Variants in NID2 observed in about 807,000 individuals in gnomAD.
NID2 encodes nidogen-2.
A neutral mutation model predicts 145.4 loss-of-function variants in NID2; 83 were observed. That is an observed-to-expected ratio of 0.57 (90% CI 0.48 to 0.69). The LOEUF is 0.69. NID2 is among the 30% of genes least tolerant of loss of function. The pLI is 0.00. For synonymous variants in NID2, 739 were observed against 701.3 expected (o/e 1.05, Z -0.85); for missense variants, 1,807 against 1,765.7 (o/e 1.02, Z -0.42).
Position 52,015,077 on chromosome 14 carries a change from G to T in NID2, c.3227C>A (p.Ser1076Tyr). 6.2e-7 allele frequency: 1 copy of T among 1,613,904 alleles called. No individual in the cohort carries two copies. The highest frequency in any genetic ancestry group is 8.5e-7 in the Non-Finnish European group (1 of 1,179,918). The change falls in exon 15 of 22, where the codon TCC becomes TAC. Residue 1076 changes from serine (S) to tyrosine (Y), a missense_variant. Transcript: ENST00000216286. ...KDGREVQGTR[S>Y]QPGTTPACIP... is the part of the protein sequence containing the mutation. The stretch of plus-strand genomic sequence containing the variant: ...ACACGCAGGGGTGGTGCCTGGCTGG[G>T]AGCGGGTGCCCTGCACCTCTCTGCC...
intron 5 of NID2, among the ~76,000 whole-genome samples, chr14:52,045,886 G>T (rs1235479201): frequency 3.7e-5 from 2 of 53,748 alleles, no homozygotes; most frequent in Admixed American, 1.8e-4. Flanking sequence ...GGGCTTTGTG[G>T]AAACTATGCA....
chr14:52,065,155 C>T (rs1001520535), intron 2 of NID2, among the ~76,000 whole-genome samples: 3 of 152,102 alleles, frequency 2.0e-5, no homozygotes, highest in Admixed American at 6.5e-5. Flanking sequence ...TCTGGTCACA[C>T]CTGACAGGAA....
At chr14:52,014,564 C>A (rs1891149598) in intron 15 of NID2, 108 bp from the exon 16 acceptor site, 1 of 1,158,984 alleles carries the variant, frequency 8.6e-7, no homozygotes, top group East Asian at 2.6e-5. Context: ...ATCAAAAGTT[C>A]TTCGCCCTAC....
At chr14:52,066,022 T>C (rs1893195235) in intron 2 of NID2, among the ~76,000 whole-genome samples, 4 of 151,868 alleles carry the variant, frequency 2.6e-5, no homozygotes, top group African/African-American at 9.7e-5. Context: ...ATATACCCAG[T>C]AATGGGATGG....
At chr14:52,022,123 C>T (rs1156534120) in intron 12 of NID2, among the ~76,000 whole-genome samples, 2 of 152,154 alleles carry the variant, frequency 1.3e-5, no homozygotes, top group Non-Finnish European at 2.9e-5. Flanking sequence ...TACTTTTGAA[C>T]TCAAGAGAGA....
chr14:52,062,691 G>C (rs1595057859), intron 2 of NID2, among the ~76,000 whole-genome samples: 1 of 152,272 alleles, frequency 6.6e-6, no homozygotes, highest in East Asian at 1.9e-4. Flanking sequence ...CATAAGATAA[G>C]GAGGTTGTAG....
Position 52,027,230 on chromosome 14 carries a change from C to T in NID2, c.2645G>A (p.Gly882Asp), listed in dbSNP as rs375513152. The change falls in exon 12 of 22, where the codon GGT becomes GAT. Residue 882 changes from glycine to aspartate, a missense_variant. Physicochemically the swap from Gly to Asp is moderately conservative, Grantham distance 94. Coordinates refer to ENST00000216286, the MANE Select transcript of NID2 (RefSeq NM_007361.4). ...GSTFSCACLP[G>D]YAGDGHQCTD... ...GCACTGGTGCCCATCGCCGGCATAA[C>T]CAGGCAGGCAGGCACAGCTGAACGT... 9 of 1,570,474 alleles carry T rather than the reference C, an allele frequency of 5.7e-6. No individual in the cohort carries two copies. The African/African-American group carries it at 8.3e-5, about 14-fold the overall frequency.
chr14:52,019,942 G>A, intron 13 of NID2, 117 bp downstream of exon 13: 1 of 1,402,252 alleles, frequency 7.1e-7, no homozygotes, highest in Non-Finnish European at 9.7e-7. Context: ...AAAATCCACA[G>A]CTTGGAAAAT....
chr14:52,067,601 C>T (rs888612095), intron 2 of NID2, among the ~76,000 whole-genome samples: 4 of 152,160 alleles, frequency 2.6e-5, no homozygotes, highest in Non-Finnish European at 5.9e-5. Context: ...AAAGGGGCTC[C>T]CACATCTGCA....
intron 12 of NID2, 131 bp downstream of exon 12, chr14:52,027,070 A>G: frequency 1.1e-6 from 1 of 927,300 alleles, no homozygotes; most frequent in Non-Finnish European, 1.5e-6. Flanking sequence ...CTTTTTTCTC[A>G]CTATTTTGGC....
chr14:52,027,591 A>G (rs1891634643), intron 11 of NID2, among the ~76,000 whole-genome samples: 1 of 150,424 alleles, frequency 6.6e-6, no homozygotes, highest in Admixed American at 6.6e-5. Flanking sequence ...CCATCACCTA[A>G]GCAGTCCTCA....
At chr14:52,006,103 A>C in intron 20 of NID2, 1 of 484,014 alleles carries the variant, frequency 2.1e-6, no homozygotes, top group African/African-American at 1.9e-5. Context: ...CTTAGACTTT[A>C]ATGTTCCACA....
At position 52,027,187 on chromosome 14, in the gene NID2, CT is replaced by C. The variant is rs1891615841; in HGVS notation, c.2674+13del. On this transcript the variant is annotated intron_variant, in intron 12 of 21. Coordinates refer to ENST00000216286, the MANE Select transcript of NID2 (RefSeq NM_007361.4). ...CAACTTTCCAGTCATTGAGGCTGAC[CT>C]GCAGTTACTCACCAGTGCACTGGTG... 2.7e-6 allele frequency: 4 copies of C among 1,476,016 alleles called. No individual in the cohort carries two copies. In the South Asian group the frequency reaches 5.6e-5, roughly 21 times the overall value. 91.4% of individuals were successfully genotyped at this position (1,476,016 alleles called of 1,614,324 possible). A position where few individuals can be genotyped will look rare whatever the true frequency, so the allele number is the denominator to read the frequency against.
chr14:52,013,157 T>C (rs916225437), intron 16 of NID2, among the ~76,000 whole-genome samples: 2 of 152,188 alleles, frequency 1.3e-5, no homozygotes, highest in Non-Finnish European at 2.9e-5. Flanking sequence ...AAAGTCCCAG[T>C]TTAAGTAAAT....
chr14:52,008,528 C>T (rs1289072971), intron 18 of NID2: 1 of 152,264 alleles, frequency 6.6e-6, no homozygotes, highest in East Asian at 1.9e-4. Flanking sequence ...TCTTACACAG[C>T]AGTAGGTAAC....
intron 12 of NID2, 72 bp downstream of exon 12, chr14:52,027,129 G>C (rs972502839): frequency 2.2e-6 from 3 of 1,351,552 alleles, no homozygotes; most frequent in South Asian, 3.8e-5. Context: ...TTTTCTGGGA[G>C]AGCTCCATCT....
chr14:52,006,344 A>G (rs1594993431), intron 20 of NID2, 193 bp downstream of exon 20: 2 of 588,140 alleles, frequency 3.4e-6, no homozygotes, highest in East Asian at 5.9e-5. Flanking sequence ...GGGTGAAGTA[A>G]AAGGATGATT....
chr14:52,053,255 G>C (rs1892734749), intron 5 of NID2, among the ~76,000 whole-genome samples: 1 of 152,170 alleles, frequency 6.6e-6, no homozygotes, highest in Non-Finnish European at 1.5e-5. Context: ...TTTTACCTTT[G>C]CTGAACTTTC....
At chr14:52,005,599 A>ATTGTGTATAAACT in intron 21 of NID2, 103 bp from the exon 22 acceptor site, 1 of 1,475,000 alleles carries the variant, frequency 6.8e-7, no homozygotes, top group Non-Finnish European at 9.4e-7. Context: ...AGGTAGATTT[A>ATTGTGTATAAACT]AGGTAGTAAA....
Sources: gnomAD v4.1 joint callset for allele counts (sites outside exome capture counted in the v4.1 genomes callset) on GRCh38, gnomAD v4.1.1 for gene constraint, MANE v1.5 for transcripts, NCBI Gene and HGNC (gene_info 2026-07-23, HGNC 2026-07-21) for gene names.